DHRS2: variants seen among roughly 807,000 people sequenced by gnomAD.
The protein encoded by DHRS2 is dehydrogenase/reductase 2.
Under a neutral mutation model 26.3 loss-of-function variants are expected in DHRS2, and 29 were observed. The observed-to-expected ratio is 1.10, with a 90% CI of 0.82 to 1.50. The LOEUF (loss-of-function observed/expected upper bound fraction) is 1.50. Ranked by LOEUF, DHRS2 falls within the 40% of genes most tolerant of loss-of-function variation. The pLI, the probability that DHRS2 is intolerant of heterozygous loss-of-function variation, is 0.00. For missense variants in DHRS2, 439 were observed against 367.1 expected, an observed-to-expected ratio of 1.20 and a Z score of -1.60; for synonymous variants, 164 against 151.3, an observed-to-expected ratio of 1.08 and a Z score of -0.62.
rs1134881 is a variant in DHRS2, at chr14:23,644,522, C to A, written c.654C>A (p.Ile218=). The change falls in exon 7 of 9, where the codon ATC becomes ATA. Residue 218 remains isoleucine, a synonymous_variant. Coordinates refer to ENST00000250383, the MANE Select transcript of DHRS2 (RefSeq NM_005794.4). ...IRVNCVVPGI[I]KTDFSKVFHG... ...TAAACTGCGTGGTTCCAGGAATTAT[C>A]AAAACTGACTTCAGCAAAGTGGTGA... The A allele has an allele frequency of 6.2e-7, 1 of 1,614,100 alleles. No homozygotes were observed. The highest frequency in any genetic ancestry group is 8.5e-7 in the Non-Finnish European group (1 of 1,180,052).
upstream of DHRS2, among the ~76,000 whole-genome samples, chr14:23,633,414 T>C (rs1305717889): frequency 1.3e-5 from 2 of 152,166 alleles, no homozygotes; most frequent in Non-Finnish European, 2.9e-5. Flanking sequence ...TCCAGGCACA[T>C]AGGCATCCCT....
At chr14:23,635,330 A>T (rs1241996594), upstream of DHRS2, among the ~76,000 whole-genome samples, 1 of 152,216 alleles carries the variant, frequency 6.6e-6, no homozygotes, top group African/African-American at 2.4e-5. Flanking sequence ...CTGGGATTAC[A>T]GGTGTGAGCT....
chr14:23,645,265 G>A lies in DHRS2; in HGVS notation c.*12G>A, dbSNP rs750040121. On this transcript the variant is annotated 3_prime_UTR_variant, in exon 9 of 9. Coordinates refer to ENST00000250383, the MANE Select transcript of DHRS2 (RefSeq NM_005794.4). ...CCACTCGGCTCTGAGAGGAGTGGGG[G>A]CGGCTGCGTAGCTGTGGTCCCAGGC... The A allele has an allele frequency of 6.8e-6, 11 of 1,613,906 alleles. No homozygotes were observed. The African/African-American group carries it at 8.0e-5, about 12-fold the overall frequency.
At position 23,639,005 on chromosome 14, in the gene DHRS2, G is replaced by C. The variant is rs199794920; in HGVS notation, c.140+1G>C. On this transcript the variant is annotated splice_donor_variant, in intron 2 of 8. Transcript: ENST00000250383. LOFTEE classifies it high-confidence loss of function. Reference sequence around the variant, plus strand: ...CCGTGGTCACGGGGTCCACCAGTGGGTGAGTGCTGGATTGCCCATGGGTCC... The same window carrying C: ...CCGTGGTCACGGGGTCCACCAGTGGCTGAGTGCTGGATTGCCCATGGGTCC... The C allele has an allele frequency of 2.5e-6, 4 of 1,612,636 alleles. No homozygotes were observed. In the African/African-American group the frequency reaches 5.3e-5, roughly 22 times the overall value.
chr14:23,632,152 T>C (rs1041944918), upstream of DHRS2, among the ~76,000 whole-genome samples: 6 of 151,960 alleles, frequency 3.9e-5, no homozygotes, highest in Non-Finnish European at 8.8e-5. Context: ...AAAAGGCGAG[T>C]CCTCTTTTTC....
chr14:23,641,560 G>A (rs1890669317), intron 4 of DHRS2: 4 of 1,265,388 alleles, frequency 3.2e-6, no homozygotes, highest in Non-Finnish European at 4.1e-6. Context: ...CCCTCACTCA[G>A]CCTGATGCAC....
intron 3 of DHRS2, 73 bp downstream of exon 3, chr14:23,639,429 T>TG: frequency 6.8e-7 from 1 of 1,472,816 alleles, no homozygotes; most frequent in Middle Eastern, 1.8e-4. Flanking sequence ...TTGGCCCTTG[T>TG]GGGGTGGGTC....
intron 5 of DHRS2, 38 bp downstream of exon 5, chr14:23,643,257 G>T (rs779139070): frequency 1.2e-6 from 2 of 1,601,584 alleles, no homozygotes; most frequent in South Asian, 2.2e-5. Context: ...TCGGAGTTGG[G>T]GACCTGAGGT....
chr14:23,634,033 G>T (rs890251640), upstream of DHRS2, among the ~76,000 whole-genome samples: 2 of 146,714 alleles, frequency 1.4e-5, no homozygotes, highest in Non-Finnish European at 3.0e-5. Context: ...TTGCCAGCAC[G>T]CTAGAAGCTC....
At chr14:23,642,346 C>T (rs1316629829) in intron 4 of DHRS2, 1 of 181,896 alleles carries the variant, frequency 5.5e-6, no homozygotes, top group Non-Finnish European at 1.1e-5. Flanking sequence ...CTGATTTTTC[C>T]TTTTCTCCAT....
chr14:23,634,051 T>C (rs1350136341), upstream of DHRS2, among the ~76,000 whole-genome samples: 1 of 141,900 alleles, frequency 7.0e-6, no homozygotes, highest in African/African-American at 2.6e-5. Flanking sequence ...CTCTTTAGTT[T>C]GCCCCTTCTT....
At chr14:23,639,433 G>A in intron 3 of DHRS2, 77 bp downstream of exon 3, 3 of 1,466,858 alleles carry the variant, frequency 2.0e-6, no homozygotes, top group Non-Finnish European at 2.7e-6. Context: ...CCCTTGTGGG[G>A]TGGGTCTAGA....
chr14:23,635,845 G>A (rs1162483576), upstream of DHRS2, among the ~76,000 whole-genome samples: 1 of 152,258 alleles, frequency 6.6e-6, no homozygotes. Context: ...GCACTCACCG[G>A]CCAGCAGGGG....
chr14:23,644,592 C>A (rs1351200521), intron 7 of DHRS2, 49 bp downstream of exon 7: 3 of 1,613,042 alleles, frequency 1.9e-6, no homozygotes, highest in East Asian at 2.2e-5. Context: ...CAGTGGGAAC[C>A]CTTCCCAGTG....
intron 3 of DHRS2, 58 bp from the exon 4 acceptor site, chr14:23,639,736 C>G (rs1890548430): frequency 1.3e-6 from 2 of 1,516,726 alleles, no homozygotes; most frequent in Non-Finnish European, 8.8e-7. Context: ...CTGGGCTGCC[C>G]TGGGAGGGAT....
chr14:23,643,982 C>T (rs909056563), intron 5 of DHRS2, 129 bp from the exon 6 acceptor site: 25 of 944,260 alleles, frequency 2.6e-5, no homozygotes, highest in Non-Finnish European at 4.3e-5. Flanking sequence ...TTTCTGAACT[C>T]TGAGATGGGG....
At chr14:23,645,078 G>T (rs748391554) in intron 8 of DHRS2, 64 bp from the exon 9 acceptor site, 8 of 1,606,872 alleles carry the variant, frequency 5.0e-6, no homozygotes, top group Non-Finnish European at 6.8e-6. Flanking sequence ...CCTGTCATCC[G>T]TGAGCCCCAG....
intron 1 of DHRS2, among the ~76,000 whole-genome samples, chr14:23,631,054 G>C (rs1890104794): frequency 6.6e-6 from 1 of 152,162 alleles, no homozygotes; most frequent in Non-Finnish European, 1.5e-5. Context: ...CTTGGATCAG[G>C]AAAAGACCTG....
intron 1 of DHRS2, chr14:23,637,885 AAAATGGAC>A (rs1458435174): frequency 6.6e-6 from 1 of 152,234 alleles, no homozygotes; most frequent in African/African-American, 2.4e-5. Context: ...AGCTCTCTGT[AAAATGGAC>A]CAATCAGCAG....
Sources: gnomAD v4.1 joint callset for allele counts (sites outside exome capture counted in the v4.1 genomes callset) on GRCh38, gnomAD v4.1.1 for gene constraint, MANE v1.5 for transcripts, NCBI Gene and HGNC (gene_info 2026-07-23, HGNC 2026-07-21) for gene names.